SAMD4A: variants seen among roughly 807,000 people sequenced by gnomAD.
The protein encoded by SAMD4A is protein Smaug homolog 1.
A neutral mutation model predicts 81.3 loss-of-function variants in SAMD4A; 33 were observed. The observed-to-expected ratio is 0.41, with a 90% CI of 0.31 to 0.54. The LOEUF is 0.54. Ranked by LOEUF, SAMD4A falls within the 20% of genes least tolerant of loss-of-function variation. SAMD4A has a pLI of 0.37. For missense variants in SAMD4A, 854 were observed against 951.1 expected (o/e 0.90, Z 1.34); for synonymous variants, 389 against 382.1 (o/e 1.02, Z -0.21).
At chr14:54,757,974 G>T (rs1447519088) in intron 6 of SAMD4A, among the ~76,000 whole-genome samples, 1 of 152,216 alleles carries the variant, frequency 6.6e-6, no homozygotes, top group Non-Finnish European at 1.5e-5. Flanking sequence ...TCACATGATG[G>T]TGTCTAGATG....
At chr14:54,768,602 C>T (rs2038619597) in intron 8 of SAMD4A, among the ~76,000 whole-genome samples, 1 of 152,172 alleles carries the variant, frequency 6.6e-6, no homozygotes, top group Non-Finnish European at 1.5e-5. Context: ...AGAAATGATC[C>T]CCTCTCGCTG....
chr14:54,704,644 G>A (rs1475855618), intron 3 of SAMD4A, among the ~76,000 whole-genome samples: 1 of 152,138 alleles, frequency 6.6e-6, no homozygotes, highest in African/African-American at 2.4e-5. Context: ...AAAAGGACTT[G>A]GAGGCTTAAC....
chr14:54,782,520 G>A (rs2039023129), intron 11 of SAMD4A, among the ~76,000 whole-genome samples: 1 of 152,156 alleles, frequency 6.6e-6, no homozygotes, highest in Non-Finnish European at 1.5e-5. Context: ...CAACTAGTGG[G>A]TGGGGGCGGT....
Position 54,621,942 on chromosome 14 carries a change from A to G in SAMD4A, c.196+53830A>G, listed in dbSNP as rs139214000. On this transcript the variant is annotated intron_variant, in intron 2 of 12. Coordinates refer to ENST00000554335, the MANE Select transcript of SAMD4A (RefSeq NM_015589.6). ...TTAAAAATATCCTTACTCATTGTGT[A>G]TTGTATTTTGTGTTACTCATATTAT... Among the ~76,000 whole-genome samples, 147 of 152,230 alleles carry G rather than the reference A, an allele frequency of 9.7e-4. 3 individuals carry two copies. In the South Asian group the frequency reaches 0.017, roughly 18 times the overall value.
chr14:54,613,213 A>G (rs111731497), intron 2 of SAMD4A, among the ~76,000 whole-genome samples: 1 of 150,150 alleles, frequency 6.7e-6, no homozygotes, highest in Non-Finnish European at 1.5e-5. Flanking sequence ...GAAAGGAAAG[A>G]AAAGAAAGTG....
intron 2 of SAMD4A, among the ~76,000 whole-genome samples, chr14:54,655,039 G>A (rs574053317): frequency 4.1e-4 from 62 of 152,226 alleles, no homozygotes; most frequent in Admixed American, 1.6e-3. Context: ...TTTTTTCATC[G>A]GAGACTAGGA....
At chr14:54,599,605 G>A (rs1257668616) in intron 2 of SAMD4A, among the ~76,000 whole-genome samples, 1 of 152,214 alleles carries the variant, frequency 6.6e-6, no homozygotes, top group Non-Finnish European at 1.5e-5. Flanking sequence ...GTCTAGCTCT[G>A]TGATCTTGGA....
chr14:54,740,178 A>G (rs1230133146), intron 4 of SAMD4A, among the ~76,000 whole-genome samples: 1 of 152,218 alleles, frequency 6.6e-6, no homozygotes, highest in Non-Finnish European at 1.5e-5. Flanking sequence ...CATCTCAAAT[A>G]AAAACATAAA....
At chr14:54,591,052 G>A (rs2033760760) in intron 2 of SAMD4A, among the ~76,000 whole-genome samples, 1 of 152,144 alleles carries the variant, frequency 6.6e-6, no homozygotes, top group East Asian at 1.9e-4. Flanking sequence ...TCTCTCAGAG[G>A]TAGCATGCAA....
chr14:54,790,100 T>C lies in SAMD4A; in HGVS notation c.*1156T>C, dbSNP rs2039233937. 6.6e-6 allele frequency: 1 copy of C among 152,214 alleles called. No homozygotes were observed. The highest frequency in any genetic ancestry group is 1.5e-5 in the Non-Finnish European group (1 of 68,042). The allele number at this position is 152,214 out of a possible 1,614,324, so 9.4% of individuals were successfully genotyped here. A position where few individuals can be genotyped will look rare whatever the true frequency, so the allele number is the denominator to read the frequency against. ...CTTTTTCCCCTTGTGAGAGGTTTGATACCCAGAAAATGAGCTCAAAACCTT... is the reference window on the plus strand; with the variant it reads ...CTTTTTCCCCTTGTGAGAGGTTTGACACCCAGAAAATGAGCTCAAAACCTT... On this transcript the variant is annotated 3_prime_UTR_variant, in exon 13 of 13. Transcript: ENST00000554335.
chr14:54,685,374 C>T (rs2036239490), intron 2 of SAMD4A, among the ~76,000 whole-genome samples: 1 of 151,076 alleles, frequency 6.6e-6, no homozygotes, highest in South Asian at 2.1e-4. Context: ...TTGTGTCTAG[C>T]TTAATTAACT....
intron 2 of SAMD4A, among the ~76,000 whole-genome samples, chr14:54,596,947 T>C (rs1302661019): frequency 1.3e-5 from 2 of 152,146 alleles, no homozygotes; most frequent in Non-Finnish European, 2.9e-5. Context: ...GAGGATTCTG[T>C]TGCTTGTAGC....
chr14:54,700,068 G>T (rs928286217), intron 2 of SAMD4A, among the ~76,000 whole-genome samples: 2 of 152,046 alleles, frequency 1.3e-5, no homozygotes, highest in African/African-American at 4.8e-5. Context: ...GACTTCTCTT[G>T]GGTCATCTCT....
intron 11 of SAMD4A, among the ~76,000 whole-genome samples, chr14:54,783,617 GAC>G (rs901331866): frequency 1.3e-5 from 2 of 152,242 alleles, no homozygotes; most frequent in African/African-American, 4.8e-5. Flanking sequence ...TGAGTGTGTT[GAC>G]AGTTACCTGC....
chr14:54,752,812 A>G (rs147846863), intron 6 of SAMD4A, among the ~76,000 whole-genome samples: 165 of 152,284 alleles, frequency 1.1e-3, no homozygotes, highest in African/African-American at 3.9e-3. Flanking sequence ...TTTCAGCAAA[A>G]AGGAATGTAG....
intron 9 of SAMD4A, among the ~76,000 whole-genome samples, chr14:54,772,017 G>A (rs116905073): frequency 1.6e-4 from 24 of 152,194 alleles, no homozygotes; most frequent in African/African-American, 5.3e-4. Flanking sequence ...ATCGCTTGTG[G>A]ATGTTCAACT....
chr14:54,744,622 C>T (rs1400333226), intron 4 of SAMD4A, among the ~76,000 whole-genome samples: 3 of 152,196 alleles, frequency 2.0e-5, no homozygotes, highest in Admixed American at 6.5e-5. Flanking sequence ...ATGAGACCCA[C>T]TGATGTGCAC....
intron 2 of SAMD4A, among the ~76,000 whole-genome samples, chr14:54,663,307 A>G (rs1277614964): frequency 6.6e-6 from 1 of 152,200 alleles, no homozygotes; most frequent in Non-Finnish European, 1.5e-5. Context: ...TCATCCAAGT[A>G]TTTTTATCCA....
intron 2 of SAMD4A, among the ~76,000 whole-genome samples, chr14:54,597,825 C>G (rs2033952464): frequency 1.3e-5 from 2 of 151,872 alleles, no homozygotes; most frequent in African/African-American, 2.4e-5. Context: ...TGGGCTCAAG[C>G]AAACTGCCCG....
Sources: allele counts gnomAD v4.1 joint callset (sites outside exome capture counted in the v4.1 genomes callset), GRCh38; gene constraint gnomAD v4.1.1; transcripts MANE v1.5; gene names NCBI Gene and HGNC (gene_info 2026-07-23, HGNC 2026-07-21).